Variants in EGFLAM observed in about 807,000 individuals in gnomAD.
EGFLAM encodes the protein pikachurin.
EGFLAM carries 79 observed loss-of-function variants against 113.1 expected under a neutral mutation model. That is an observed-to-expected ratio of 0.70 (90% CI 0.58 to 0.84). EGFLAM has a LOEUF of 0.84. Ranked by LOEUF, EGFLAM falls within the 40% of genes least tolerant of loss-of-function variation. The probability of loss-of-function intolerance (pLI) is 0.00; values close to 1 mark genes in which losing one functional copy is unlikely to be tolerated. For synonymous variants in EGFLAM, 504 were observed against 487.6 expected, an observed-to-expected ratio of 1.03 and a Z score of -0.44; for missense variants, 1,265 against 1,291.6, an observed-to-expected ratio of 0.98 and a Z score of 0.32.
At chr5:38,405,702 A>G (rs558194515) in intron 6 of EGFLAM, among the ~76,000 whole-genome samples, 1 of 152,354 alleles carries the variant, frequency 6.6e-6, no homozygotes, top group East Asian at 1.9e-4. Flanking sequence ...ACACAGGTAC[A>G]GGAGTTTCTC....
intron 6 of EGFLAM, among the ~76,000 whole-genome samples, chr5:38,404,992 C>T (rs796747229): frequency 1.2e-4 from 19 of 152,226 alleles, no homozygotes; most frequent in South Asian, 8.3e-4. Flanking sequence ...TCTGTATTGA[C>T]GTCTGAGAGG....
rs182425111 is a variant in EGFLAM, at chr5:38,379,623, C to T, written c.712+9161C>T. 1.4e-3 allele frequency among the ~76,000 whole-genome samples: 216 copies of T among 151,428 alleles called. 1 individual carries two copies. Among genetic ancestry groups the T allele is most frequent in the Non-Finnish European group, 2.5e-3 (168 of 67,936 alleles). ...GCCCCTCCCTGAATGTGCTGCTCCCCGGGTGCCCTCAGTGTGAAGCAATCA... is the reference window on the plus strand; with the variant it reads ...GCCCCTCCCTGAATGTGCTGCTCCCTGGGTGCCCTCAGTGTGAAGCAATCA... On this transcript the variant is annotated intron_variant, in intron 6 of 21. Coordinates refer to ENST00000322350, the MANE Select transcript of EGFLAM (RefSeq NM_152403.4).
chr5:38,315,031 A>G (rs1738555015), intron 1 of EGFLAM, among the ~76,000 whole-genome samples: 3 of 152,216 alleles, frequency 2.0e-5, no homozygotes, highest in Admixed American at 1.3e-4. Flanking sequence ...ATCCTGACTA[A>G]TAGCAGGAGG....
At chr5:38,296,034 A>G (rs1328362913) in intron 1 of EGFLAM, among the ~76,000 whole-genome samples, 1 of 152,160 alleles carries the variant, frequency 6.6e-6, no homozygotes, top group Non-Finnish European at 1.5e-5. Flanking sequence ...ATTCCTGGTT[A>G]CACCCAACTG....
chr5:38,336,239 A>G (rs1739178038), intron 1 of EGFLAM, among the ~76,000 whole-genome samples: 1 of 152,192 alleles, frequency 6.6e-6, no homozygotes, highest in South Asian at 2.1e-4. Flanking sequence ...ACATGTATGT[A>G]TATATACATA....
chr5:38,316,093 T>A (rs909577282), intron 1 of EGFLAM, among the ~76,000 whole-genome samples: 1 of 122,572 alleles, frequency 8.2e-6, no homozygotes, highest in African/African-American at 3.6e-5. Flanking sequence ...AAAAAAAAAA[T>A]CCTAAGCACA....
At chr5:38,292,308 T>C (rs897955625) in intron 1 of EGFLAM, among the ~76,000 whole-genome samples, 3 of 152,262 alleles carry the variant, frequency 2.0e-5, no homozygotes, top group African/African-American at 7.2e-5. Context: ...TCTGATTTCA[T>C]TGTCCACTCC....
At chr5:38,426,442 A>G (rs1430731735) in intron 13 of EGFLAM, among the ~76,000 whole-genome samples, 4 of 152,232 alleles carry the variant, frequency 2.6e-5, no homozygotes, top group African/African-American at 9.6e-5. Context: ...CTAAGATCAC[A>G]AAACTAGTCA....
At chr5:38,324,039 CAAACAAA>C (rs1738809284) in intron 1 of EGFLAM, among the ~76,000 whole-genome samples, 1 of 69,220 alleles carries the variant, frequency 1.4e-5, no homozygotes. Flanking sequence ...AACTCCATCT[CAAACAAA>C]AAAAAAAAAA....
chr5:38,462,821 A>T, intron 20 of EGFLAM, 87 bp from the exon 21 acceptor site: 2 of 1,433,794 alleles, frequency 1.4e-6, no homozygotes, highest in Non-Finnish European at 1.9e-6. Flanking sequence ...TGTGTCCTTT[A>T]ATACATTTGT....
chr5:38,377,045 T>C (rs1740384806), intron 6 of EGFLAM, among the ~76,000 whole-genome samples: 3 of 152,214 alleles, frequency 2.0e-5, no homozygotes, highest in Non-Finnish European at 2.9e-5. Context: ...ATCTATATTA[T>C]GCATCATATT....
intron 5 of EGFLAM, among the ~76,000 whole-genome samples, chr5:38,368,599 G>A (rs1740126543): frequency 1.3e-5 from 2 of 152,156 alleles, no homozygotes; most frequent in Admixed American, 1.3e-4. Flanking sequence ...AAGACAAACA[G>A]AACTTTTTTG....
At chr5:38,329,403 G>A (rs1738982941) in intron 1 of EGFLAM, among the ~76,000 whole-genome samples, 1 of 152,012 alleles carries the variant, frequency 6.6e-6, no homozygotes, top group Admixed American at 6.6e-5. Flanking sequence ...TTTAACTGAT[G>A]CATCTGGAAT....
intron 1 of EGFLAM, among the ~76,000 whole-genome samples, chr5:38,304,267 G>C (rs1204991533): frequency 6.6e-6 from 1 of 152,126 alleles, no homozygotes; most frequent in Non-Finnish European, 1.5e-5. Flanking sequence ...GAAGATAAAA[G>C]AGAAGATAAA....
chr5:38,259,442 A>G (rs988346790), intron 1 of EGFLAM, among the ~76,000 whole-genome samples: 4 of 152,226 alleles, frequency 2.6e-5, no homozygotes, highest in Non-Finnish European at 5.9e-5. Flanking sequence ...ATTTAAACAA[A>G]GAAATGTACG....
chr5:38,365,068 C>G (rs1460292219), intron 5 of EGFLAM, among the ~76,000 whole-genome samples: 1 of 152,162 alleles, frequency 6.6e-6, no homozygotes, highest in Non-Finnish European at 1.5e-5. Flanking sequence ...CCCTAGAGGA[C>G]AGTTGGCTGC....
intron 1 of EGFLAM, among the ~76,000 whole-genome samples, chr5:38,295,496 C>T (rs1316565509): frequency 2.6e-5 from 4 of 152,138 alleles, no homozygotes; most frequent in African/African-American, 9.7e-5. Flanking sequence ...CAGAACACCC[C>T]TTTTCCTTGC....
chr5:38,408,949 C>G, intron 9 of EGFLAM, 55 bp from the exon 10 acceptor site: 1 of 1,438,920 alleles, frequency 6.9e-7, no homozygotes, highest in South Asian at 1.2e-5. Flanking sequence ...CAGGTGGTGC[C>G]TTAAGGAAGG....
At chr5:38,258,907 G>A (rs1218625222) in intron 1 of EGFLAM, 56 bp downstream of exon 1, 9 of 1,551,862 alleles carry the variant, frequency 5.8e-6, no homozygotes, top group Admixed American at 1.9e-5. Flanking sequence ...GCTGGGCTCC[G>A]GGGCGAGGAC....
Sources: allele counts gnomAD v4.1 joint callset (sites outside exome capture counted in the v4.1 genomes callset), GRCh38; gene constraint gnomAD v4.1.1; transcripts MANE v1.5; gene names NCBI Gene and HGNC (gene_info 2026-07-23, HGNC 2026-07-21).